The following DDX10 variants were observed in gnomAD, a reference collection of about 807,000 sequenced individuals.
DDX10 encodes the protein probable ATP-dependent RNA helicase DDX10.
DDX10 carries 74 observed loss-of-function variants against 104.3 expected under a neutral mutation model. The observed-to-expected ratio is 0.71, with a 90% CI of 0.59 to 0.86. The LOEUF is 0.86. Ranked by LOEUF, DDX10 falls within the 40% of genes least tolerant of loss-of-function variation. The probability of loss-of-function intolerance (pLI) is 0.00; values close to 1 mark genes in which losing one functional copy is unlikely to be tolerated. For synonymous variants in DDX10, 351 were observed against 353.4 expected (o/e 0.99, Z 0.08); for missense variants, 952 against 1,040.0 (o/e 0.92, Z 1.16).
chr11:108,936,774 G>A (rs1295033347), intron 17 of DDX10, among the ~76,000 whole-genome samples: 6 of 152,088 alleles, frequency 3.9e-5, no homozygotes, highest in Non-Finnish European at 8.8e-5. Context: ...ATATCCTTGT[G>A]CCTAAATCTT....
At chr11:108,856,047 T>C (rs1485717443) in intron 16 of DDX10, among the ~76,000 whole-genome samples, 1 of 152,234 alleles carries the variant, frequency 6.6e-6, no homozygotes, top group Non-Finnish European at 1.5e-5. Context: ...GTTTCTTGAA[T>C]ACCTAAGGTA....
At chr11:108,838,304 C>T (rs1422679321) in intron 13 of DDX10, 142 bp from the exon 14 acceptor site, 1 of 847,680 alleles carries the variant, frequency 1.2e-6, no homozygotes, top group East Asian at 3.0e-5. Flanking sequence ...AATGTTATTC[C>T]TGGACAGTGT....
chr11:108,719,969 A>G (rs1026753679), intron 12 of DDX10, 84 bp downstream of exon 12: 40 of 883,582 alleles, frequency 4.5e-5, no homozygotes, highest in Admixed American at 1.8e-4. Flanking sequence ...GGGTCTTGCT[A>G]TGTTGCCCAG....
At chr11:108,905,651 A>C (rs577477506) in intron 16 of DDX10, among the ~76,000 whole-genome samples, 16 of 152,220 alleles carry the variant, frequency 1.1e-4, no homozygotes, top group African/African-American at 3.9e-4. Context: ...TTATCAATGA[A>C]GTCATCTCAT....
At chr11:108,676,972 T>A in intron 3 of DDX10, 113 bp from the exon 4 acceptor site, 1 of 860,360 alleles carries the variant, frequency 1.2e-6, no homozygotes, top group Non-Finnish European at 1.8e-6. Context: ...AAAACTTGAG[T>A]GGTATGCCTT....
intron 1 of DDX10, among the ~76,000 whole-genome samples, chr11:108,669,042 T>C (rs1187283418): frequency 1.3e-5 from 2 of 152,076 alleles, no homozygotes; most frequent in East Asian, 1.9e-4. Flanking sequence ...GCAGATTTCA[T>C]TGTGGTGCAT....
intron 16 of DDX10, among the ~76,000 whole-genome samples, chr11:108,870,741 T>G (rs1293760156): frequency 6.6e-6 from 1 of 152,210 alleles, no homozygotes; most frequent in Non-Finnish European, 1.5e-5. Flanking sequence ...AATATATAAA[T>G]ACATACTAGT....
In DDX10 at chr11:108,785,219, G is replaced by A. The variant is rs150812796; in HGVS notation, c.1966-53227G>A. Among the ~76,000 whole-genome samples the A allele has an allele frequency of 3.8e-3, 578 of 152,240 alleles. 5 individuals are homozygous for A. The highest frequency in any genetic ancestry group is 0.012 in the African/African-American group (491 of 41,550). On this transcript the variant is annotated intron_variant, in intron 13 of 17. Transcript: ENST00000322536. ...TTGCTTTTGATTCTGTTTACATGGCGAATCACATTTATTGATTTGTGTATG... is the reference window on the plus strand; with the variant it reads ...TTGCTTTTGATTCTGTTTACATGGCAAATCACATTTATTGATTTGTGTATG...
chr11:108,828,111 A>G (rs2134583973), intron 13 of DDX10, among the ~76,000 whole-genome samples: 1 of 152,182 alleles, frequency 6.6e-6, no homozygotes, highest in South Asian at 2.1e-4. Flanking sequence ...AACATAATAT[A>G]TTTGCTACTT....
intron 9 of DDX10, among the ~76,000 whole-genome samples, chr11:108,697,181 A>G (rs1447229251): frequency 6.7e-6 from 1 of 148,338 alleles, no homozygotes; most frequent in Non-Finnish European, 1.5e-5. Flanking sequence ...TTACTTGACT[A>G]TTTTAGATGT....
At chr11:108,688,457 C>G (rs1267636333) in intron 6 of DDX10, among the ~76,000 whole-genome samples, 1 of 152,128 alleles carries the variant, frequency 6.6e-6, no homozygotes, top group Non-Finnish European at 1.5e-5. Context: ...TATCTGTATT[C>G]TCTCCAAATA....
At chr11:108,849,198 A>G (rs1208661194) in intron 15 of DDX10, among the ~76,000 whole-genome samples, 2 of 152,040 alleles carry the variant, frequency 1.3e-5, no homozygotes, top group African/African-American at 2.4e-5. Context: ...CATTCTCATG[A>G]TCTTTCTCTT....
chr11:108,681,051 A>G (rs943001212), intron 6 of DDX10, among the ~76,000 whole-genome samples: 2 of 152,108 alleles, frequency 1.3e-5, no homozygotes, highest in African/African-American at 4.8e-5. Flanking sequence ...AAATGTAAAG[A>G]CTGCTTGTCT....
intron 13 of DDX10, among the ~76,000 whole-genome samples, chr11:108,763,403 G>T (rs1196077065): frequency 6.6e-6 from 1 of 151,982 alleles, no homozygotes; most frequent in East Asian, 1.9e-4. Context: ...TATCCAAAAG[G>T]TATTCTATTA....
chr11:108,750,404 T>G (rs2094336976), intron 13 of DDX10, among the ~76,000 whole-genome samples: 2 of 152,194 alleles, frequency 1.3e-5, no homozygotes, highest in Admixed American at 1.3e-4. Flanking sequence ...AATATGAATC[T>G]TAAGTTATCT....
At chr11:108,938,053 T>TA (rs1442879899) in intron 17 of DDX10, among the ~76,000 whole-genome samples, 7 of 152,210 alleles carry the variant, frequency 4.6e-5, no homozygotes, top group African/African-American at 1.4e-4. Flanking sequence ...GGGACCTCCT[T>TA]ACCTCCCTCG....
chr11:108,874,542 A>AT (rs1170211437), intron 16 of DDX10, among the ~76,000 whole-genome samples: 72 of 146,888 alleles, frequency 4.9e-4, no homozygotes, highest in East Asian at 1.6e-3. Context: ...TATTTTATTA[A>AT]TTTTTTTTTT....
At chr11:108,848,812 T>C (rs1429962356) in intron 15 of DDX10, among the ~76,000 whole-genome samples, 1 of 152,050 alleles carries the variant, frequency 6.6e-6, no homozygotes, top group African/African-American at 2.4e-5. Flanking sequence ...AGATTGGGGT[T>C]GAGGAGCAGG....
chr11:108,685,391 C>CGCGCACGGT (rs1486928378), intron 6 of DDX10, among the ~76,000 whole-genome samples: 2 of 151,552 alleles, frequency 1.3e-5, no homozygotes. Context: ...TGCTTCGGCT[C>CGCGCACGGT]GCGCACGGTG....
Sources: allele counts gnomAD v4.1 joint callset (sites outside exome capture counted in the v4.1 genomes callset), GRCh38; gene constraint gnomAD v4.1.1; transcripts MANE v1.5; gene names NCBI Gene and HGNC (gene_info 2026-07-23, HGNC 2026-07-21).